ADAM2: variants seen among roughly 807,000 people sequenced by gnomAD.
ADAM2 encodes disintegrin and metalloproteinase domain-containing protein 2.
A neutral mutation model predicts 99.3 loss-of-function variants in ADAM2; 101 were observed. That is an observed-to-expected ratio of 1.02 (90% CI 0.87 to 1.20). ADAM2 has a LOEUF of 1.20. ADAM2 is among the 50% of genes most tolerant of loss of function. ADAM2 has a pLI of 0.00. For missense variants in ADAM2, 948 were observed against 878.7 expected, an observed-to-expected ratio of 1.08 and a Z score of -1.00; for synonymous variants, 323 against 287.6, an observed-to-expected ratio of 1.12 and a Z score of -1.25.
At chr8:39,762,693 A>G (rs986042663) in intron 14 of ADAM2, among the ~76,000 whole-genome samples, 31 of 152,202 alleles carry the variant, frequency 2.0e-4, no homozygotes, top group Admixed American at 2.0e-3. Flanking sequence ...CCTGAAAAAG[A>G]AAAAAATTCT....
chr8:39,808,489 A>G (rs970498843), intron 7 of ADAM2, among the ~76,000 whole-genome samples: 1 of 152,210 alleles, frequency 6.6e-6, no homozygotes. Flanking sequence ...TTGTGAAAAA[A>G]TATCCTTCCC....
At chr8:39,744,925 T>C (rs955508025) in intron 19 of ADAM2, 32 bp from the exon 20 acceptor site, 3 of 1,526,178 alleles carry the variant, frequency 2.0e-6, no homozygotes, top group African/African-American at 1.4e-5. Context: ...AATATTATAC[T>C]TTCTTCAAGA....
intron 16 of ADAM2, among the ~76,000 whole-genome samples, chr8:39,750,528 G>C (rs1801884417): frequency 6.6e-6 from 1 of 152,158 alleles, no homozygotes; most frequent in Non-Finnish European, 1.5e-5. Context: ...TTTTGGAAAA[G>C]AGAATGGAAA....
intron 4 of ADAM2, among the ~76,000 whole-genome samples, chr8:39,823,347 T>A (rs1308638084): frequency 6.6e-6 from 1 of 152,160 alleles, no homozygotes; most frequent in African/African-American, 2.4e-5. Context: ...AATAATCCAA[T>A]AAATACACCT....
At chr8:39,779,471 A>T (rs1803133319) in intron 10 of ADAM2, among the ~76,000 whole-genome samples, 1 of 152,126 alleles carries the variant, frequency 6.6e-6, no homozygotes, top group African/African-American at 2.4e-5. Flanking sequence ...ATTCGGGGGG[A>T]CACAGCTCAG....
At chr8:39,836,158 C>G (rs1805813598) in intron 2 of ADAM2, among the ~76,000 whole-genome samples, 2 of 152,006 alleles carry the variant, frequency 1.3e-5, no homozygotes, top group Non-Finnish European at 2.9e-5. Context: ...CAGACATTAA[C>G]AAAATAGACA....
intron 6 of ADAM2, chr8:39,817,953 C>T (rs552404775): frequency 4.1e-4 from 62 of 151,754 alleles, no homozygotes; most frequent in African/African-American, 1.5e-3. Flanking sequence ...AATTTAATTA[C>T]TAATAAAAAT....
intron 9 of ADAM2, 21 bp downstream of exon 9, chr8:39,788,064 A>G: frequency 1.4e-6 from 2 of 1,414,264 alleles, no homozygotes; most frequent in South Asian, 1.7e-5. Context: ...TAAACTTTAT[A>G]TAATGTCAAG....
intron 6 of ADAM2, among the ~76,000 whole-genome samples, chr8:39,820,345 T>G (rs1299250780): frequency 6.6e-6 from 1 of 152,114 alleles, no homozygotes; most frequent in East Asian, 1.9e-4. Context: ...ACCCAGAATC[T>G]TATCCTGTCA....
At position 39,824,864 on chromosome 8, in the gene ADAM2, A is replaced by G. The variant is rs1805337657; in HGVS notation, c.222T>C (p.Ser74=). ...NFLPHNFRVY[S]YSGTGIMKPL... ...GTTTCATAATTCCTGTGCCACTATA[A>G]CTGTAAACTCTAAAATTATGGGGTA... Residue 74 remains serine, a synonymous_variant, in exon 4 of 21, where the codon AGT becomes AGC. Coordinates refer to ENST00000265708, the MANE Select transcript of ADAM2 (RefSeq NM_001464.5). The G allele has an allele frequency of 6.4e-7, 1 of 1,567,878 alleles. No homozygotes were observed. The highest frequency in any genetic ancestry group is 8.7e-7 in the Non-Finnish European group (1 of 1,144,810).
rs531457732 is a variant in ADAM2, at chr8:39,838,083, G to C, written c.55+48C>G. ...AATGTAACTTGGAGGCAAAGGGAGA[G>C]TAGCGCTGAGGGTCCCAAAAGGCCA... On this transcript the variant is annotated intron_variant, in intron 1 of 20. Transcript: ENST00000265708. 3.8e-5 allele frequency: 61 copies of C among 1,595,708 alleles called. No homozygotes were observed. In the South Asian group the frequency reaches 6.3e-4, roughly 16 times the overall value.
intron 11 of ADAM2, among the ~76,000 whole-genome samples, chr8:39,770,911 T>G (rs1346360438): frequency 6.6e-6 from 1 of 152,230 alleles, no homozygotes; most frequent in African/African-American, 2.4e-5. Context: ...CACTACAGAT[T>G]AATGCAATAG....
chr8:39,756,143 CTTT>C (rs1802144635), intron 15 of ADAM2, among the ~76,000 whole-genome samples: 1 of 152,020 alleles, frequency 6.6e-6, no homozygotes, highest in South Asian at 2.1e-4. Context: ...GTTTTTGCCA[CTTT>C]TTTAATGGCA....
chr8:39,780,421 C>G (rs1170130087), intron 10 of ADAM2, among the ~76,000 whole-genome samples: 3 of 152,046 alleles, frequency 2.0e-5, no homozygotes, highest in African/African-American at 7.2e-5. Flanking sequence ...AGATACAAAA[C>G]TGATTAGTGT....
rs201150769 is a variant in ADAM2 at position 39,746,585 on chromosome 8, C to T, written c.2061G>A (p.Trp687Ter). 3.7e-6 allele frequency: 6 copies of T among 1,606,370 alleles called. No homozygotes were observed. In the East Asian group the frequency reaches 1.1e-4, roughly 30 times the overall value. Residue 687 changes from tryptophan to a stop codon, truncating the protein, a stop_gained, in exon 19 of 21, where the codon TGG becomes TGA. Coordinates refer to ENST00000265708, the MANE Select transcript of ADAM2 (RefSeq NM_001464.5). LOFTEE classifies it high-confidence loss of function. ...ENIYHSKPMR[W>*]PFFLFIPFFI... Reference sequence around the variant, plus strand: ...AGAAAGGAATGAATAAGAAAAATGGCCATCTCATTGGTTTGGAATGGTAAA... The same window carrying T: ...AGAAAGGAATGAATAAGAAAAATGGTCATCTCATTGGTTTGGAATGGTAAA...
intron 16 of ADAM2, among the ~76,000 whole-genome samples, chr8:39,754,403 C>T (rs555410746): frequency 1.8e-3 from 273 of 152,230 alleles, no homozygotes; most frequent in Non-Finnish European, 3.1e-3. Flanking sequence ...AAAATAACTA[C>T]CAACGATTTA....
chr8:39,804,332 G>A (rs2129586610), intron 7 of ADAM2, among the ~76,000 whole-genome samples: 1 of 152,290 alleles, frequency 6.6e-6, no homozygotes, highest in Admixed American at 6.5e-5. Flanking sequence ...TGTTCGTAGG[G>A]AATGACGGTA....
intron 11 of ADAM2, 103 bp downstream of exon 11, chr8:39,776,922 C>T: frequency 1.4e-6 from 1 of 735,292 alleles, no homozygotes. Flanking sequence ...TCCTCAGTCA[C>T]AGCTGATCGC....
chr8:39,766,599 G>T (rs888449414), intron 14 of ADAM2, among the ~76,000 whole-genome samples: 7 of 152,002 alleles, frequency 4.6e-5, no homozygotes, highest in Non-Finnish European at 8.8e-5. Context: ...GTAGAGACAG[G>T]TTTTTGTCAT....
Sources: allele counts gnomAD v4.1 joint callset (sites outside exome capture counted in the v4.1 genomes callset), GRCh38; gene constraint gnomAD v4.1.1; transcripts MANE v1.5; gene names NCBI Gene and HGNC (gene_info 2026-07-23, HGNC 2026-07-21).